The following CDH12 variants were observed in gnomAD, a reference collection of about 807,000 sequenced individuals.
The protein encoded by CDH12 is cadherin 12, also known as cadherin-12.
In CDH12, 41 loss-of-function variants were observed where a neutral mutation model predicts 74.1. That is an observed-to-expected ratio of 0.55 (90% CI 0.43 to 0.72). The LOEUF is 0.72. Ranked by LOEUF, CDH12 falls within the 30% of genes least tolerant of loss-of-function variation. CDH12 has a pLI of 0.00. For missense variants in CDH12, 945 were observed against 977.2 expected, an observed-to-expected ratio of 0.97 and a Z score of 0.44; for synonymous variants, 399 against 355.0, an observed-to-expected ratio of 1.12 and a Z score of -1.39.
intron 1 of CDH12, among the ~76,000 whole-genome samples, chr5:22,576,333 T>C (rs1739786486): frequency 6.6e-6 from 1 of 152,052 alleles, no homozygotes; most frequent in Non-Finnish European, 1.5e-5. Context: ...AACCCTACCC[T>C]GTCCAGAGAG....
At chr5:22,822,575 T>C (rs932799119) in intron 1 of CDH12, among the ~76,000 whole-genome samples, 1 of 152,090 alleles carries the variant, frequency 6.6e-6, no homozygotes, top group African/African-American at 2.4e-5. Context: ...GGGCAAAGGA[T>C]ATGAACAGAC....
chr5:21,931,564 C>G (rs1042701976), intron 6 of CDH12, among the ~76,000 whole-genome samples: 3 of 152,146 alleles, frequency 2.0e-5, no homozygotes, highest in Non-Finnish European at 2.9e-5. Context: ...CATAATAAAT[C>G]TGCCCAAGAA....
chr5:22,128,452 A>T (rs1233848706), intron 4 of CDH12, among the ~76,000 whole-genome samples: 1 of 152,126 alleles, frequency 6.6e-6, no homozygotes, highest in Non-Finnish European at 1.5e-5. Flanking sequence ...TAGGATATAA[A>T]CTTATTTCTA....
At chr5:22,583,006 G>A (rs889507880) in intron 1 of CDH12, among the ~76,000 whole-genome samples, 2 of 152,140 alleles carry the variant, frequency 1.3e-5, no homozygotes, top group African/African-American at 4.8e-5. Flanking sequence ...AACTGGGCCA[G>A]TAGAGAGAAA....
intron 1 of CDH12, among the ~76,000 whole-genome samples, chr5:22,846,203 G>A (rs999023013): frequency 6.6e-6 from 1 of 152,022 alleles, no homozygotes; most frequent in Non-Finnish European, 1.5e-5. Context: ...TTTAGGGTGC[G>A]GTAAAGAGGG....
At chr5:22,083,844 G>A (rs1342164731) in intron 4 of CDH12, among the ~76,000 whole-genome samples, 3 of 152,022 alleles carry the variant, frequency 2.0e-5, no homozygotes, top group Admixed American at 6.6e-5. Context: ...AGTAAAACAA[G>A]GAATATGTGC....
At chr5:22,779,435 G>A (rs1747275570) in intron 1 of CDH12, among the ~76,000 whole-genome samples, 2 of 152,142 alleles carry the variant, frequency 1.3e-5, no homozygotes, top group Non-Finnish European at 2.9e-5. Context: ...TAAATTCTAA[G>A]CTACCTATTG....
At chr5:21,767,694 G>GTTACTTGTTAC (rs1300458240) in intron 11 of CDH12, among the ~76,000 whole-genome samples, 2 of 151,630 alleles carry the variant, frequency 1.3e-5, no homozygotes, top group African/African-American at 4.8e-5. Flanking sequence ...TGTTTACATT[G>GTTACTTGTTAC]TTGAAAATGA....
chr5:22,814,394 A>C (rs1196264138), intron 1 of CDH12, among the ~76,000 whole-genome samples: 1 of 152,196 alleles, frequency 6.6e-6, no homozygotes, highest in East Asian at 1.9e-4. Context: ...TTGCTATTTC[A>C]ATCATTGTAG....
chr5:22,575,596 G>A (rs269872), intron 1 of CDH12, among the ~76,000 whole-genome samples: 22,398 of 151,804 alleles, frequency 0.15, 1,692 homozygotes, highest in Middle Eastern at 0.21. Context: ...ACAGAGTCTC[G>A]CTCTATCTCC....
chr5:22,028,433 G>A (rs1738544015), intron 5 of CDH12, among the ~76,000 whole-genome samples: 4 of 152,074 alleles, frequency 2.6e-5, no homozygotes, highest in Admixed American at 2.6e-4. Context: ...CAAAATCAAT[G>A]TACAAAAATC....
intron 1 of CDH12, among the ~76,000 whole-genome samples, chr5:22,579,451 T>A (rs1165870350): frequency 6.6e-6 from 1 of 152,170 alleles, no homozygotes; most frequent in African/African-American, 2.4e-5. Context: ...CACTAATGTG[T>A]ATTATGATGA....
chr5:22,596,185 C>T (rs1186412637), intron 1 of CDH12, among the ~76,000 whole-genome samples: 1 of 151,240 alleles, frequency 6.6e-6, no homozygotes, highest in Non-Finnish European at 1.5e-5. Flanking sequence ...GTCTGTAATC[C>T]CAGCATTCTG....
intron 1 of CDH12, among the ~76,000 whole-genome samples, chr5:22,764,207 A>G (rs1326031164): frequency 2.0e-5 from 3 of 151,900 alleles, no homozygotes; most frequent in African/African-American, 7.2e-5. Flanking sequence ...GCACTTATTC[A>G]ATACCCAATG....
chr5:22,809,916 G>A (rs781244303), intron 1 of CDH12, among the ~76,000 whole-genome samples: 1 of 151,958 alleles, frequency 6.6e-6, no homozygotes, highest in Non-Finnish European at 1.5e-5. Flanking sequence ...ACTAATTCAA[G>A]ATTAATTCAA....
At chr5:22,845,305 G>A (rs970943354) in intron 1 of CDH12, among the ~76,000 whole-genome samples, 6 of 152,078 alleles carry the variant, frequency 3.9e-5, no homozygotes, top group African/African-American at 1.4e-4. Context: ...CAAGGTAAAT[G>A]CATGAATAAA....
intron 6 of CDH12, among the ~76,000 whole-genome samples, chr5:21,890,901 G>T (rs977937897): frequency 1.3e-5 from 2 of 152,032 alleles, no homozygotes; most frequent in Admixed American, 6.6e-5. Context: ...TCAAAACAAG[G>T]AAGCAAGCTG....
At chr5:22,823,797 A>T (rs1749858117) in intron 1 of CDH12, among the ~76,000 whole-genome samples, 1 of 152,220 alleles carries the variant, frequency 6.6e-6, no homozygotes, top group South Asian at 2.1e-4. Context: ...TCTCTTTGCC[A>T]TGTAAGACAT....
chr5:22,390,285 G>A (rs1244773418), intron 3 of CDH12, among the ~76,000 whole-genome samples: 5 of 152,058 alleles, frequency 3.3e-5, no homozygotes, highest in African/African-American at 7.2e-5. Context: ...ATTAAAGCCC[G>A]TGTGAGCTGA....
Sources: gnomAD v4.1 joint callset for allele counts (sites outside exome capture counted in the v4.1 genomes callset) on GRCh38, gnomAD v4.1.1 for gene constraint, MANE v1.5 for transcripts, NCBI Gene and HGNC (gene_info 2026-07-23, HGNC 2026-07-21) for gene names.